Variants in TRPM2 observed in about 807,000 individuals in gnomAD.
TRPM2 encodes estrogen-responsive element-associated gene 1 protein.
TRPM2 carries 161 observed loss-of-function variants against 174.0 expected under a neutral mutation model. The ratio of observed to expected loss-of-function variants is 0.93; its 90% CI spans 0.81 to 1.05. The LOEUF is 1.05. Among genes scored for constraint, TRPM2 ranks in the 50% least tolerant of loss-of-function variants. The pLI, the probability that TRPM2 is intolerant of heterozygous loss-of-function variation, is 0.00. For synonymous variants in TRPM2, 954 were observed against 861.3 expected, an observed-to-expected ratio of 1.11 and a Z score of -1.88; for missense variants, 2,057 against 2,038.0, an observed-to-expected ratio of 1.01 and a Z score of -0.18.
intron 8 of TRPM2, among the ~76,000 whole-genome samples, chr21:44,382,263 A>G (rs916103183): frequency 1.3e-5 from 2 of 152,230 alleles, no homozygotes; most frequent in Non-Finnish European, 2.9e-5. Context: ...ATAGATGGAT[A>G]GATGCATAGA....
chr21:44,436,967 A>C lies in TRPM2; in HGVS notation c.4062-95A>C. The stretch of plus-strand genomic sequence containing the variant: ...GGTTTGAGCCTGCAGTGGGCCTGAC[A>C]CTGCCCCGCCCCAGGCAGGGCCAGC... On this transcript the variant is annotated intron_variant, in intron 28 of 31. Transcript: ENST00000397928. The C allele has an allele frequency of 2.7e-6, 3 of 1,106,914 alleles. No homozygotes were observed. The South Asian group carries it at 4.2e-5, about 16-fold the overall frequency. The allele number at this position is 1,106,914 out of a possible 1,614,324, so 68.6% of individuals were successfully genotyped here. A position where few individuals can be genotyped will look rare whatever the true frequency, so the allele number is the denominator to read the frequency against.
chr21:44,404,605 A>T (rs2049796751), intron 16 of TRPM2, among the ~76,000 whole-genome samples: 1 of 151,194 alleles, frequency 6.6e-6, no homozygotes. Context: ...GACCGTGATG[A>T]TAGTGATGAT....
In TRPM2 at chr21:44,427,792, TCTGC is replaced by T. The variant is rs756214874; in HGVS notation, c.3974+685_3974+688del. On this transcript the variant is annotated intron_variant, in intron 27 of 31. Transcript: ENST00000397928. ...TGCTCTGGAACAGGGTGTGGGCTCC[TCTGC>T]CTGGAGCCGGAGGTTGAGTAAGGAG... 5.6e-4 allele frequency among the ~76,000 whole-genome samples: 85 copies of T among 152,286 alleles called. 2 individuals carry two copies. The Middle Eastern group carries it at 0.01, about 18-fold the overall frequency.
chr21:44,437,193 T>C, intron 29 of TRPM2, 26 bp downstream of exon 29: 1 of 1,535,554 alleles, frequency 6.5e-7, no homozygotes. Flanking sequence ...GTGGGACCTC[T>C]GTCCACTGGG....
Position 44,354,509 on chromosome 21 carries a change from T to G in TRPM2, c.166-139T>G. The G allele has an allele frequency of 1.5e-6, 1 of 688,628 alleles. No homozygotes were observed. Among genetic ancestry groups the G allele is most frequent in the South Asian group, 1.8e-5 (1 of 56,064 alleles). The allele number at this position is 688,628 out of a possible 1,614,324, so 42.7% of individuals were successfully genotyped here. A position where few individuals can be genotyped will look rare whatever the true frequency, so the allele number is the denominator to read the frequency against. On this transcript the variant is annotated intron_variant, in intron 1 of 31. Coordinates refer to ENST00000397928, the MANE Select transcript of TRPM2 (RefSeq NM_003307.4). The surrounding 1 kb of genome is among the most constrained non-coding windows in gnomAD (Gnocchi z 4.3). The stretch of plus-strand genomic sequence containing the variant: ...GAGTCTTGGCAAGGTGCTTCTAATC[T>G]TTGGCTCAGGGTCGCGCAGGCTTCC...
chr21:44,426,811 C>A, intron 26 of TRPM2, 75 bp downstream of exon 26: 1 of 1,567,028 alleles, frequency 6.4e-7, no homozygotes. Context: ...TTGAGAATCC[C>A]AGTCAGAGCC....
In TRPM2 at chr21:44,377,774, G is replaced by C. The variant is rs762694177; in HGVS notation, c.1014+1G>C. 1 of 1,614,126 alleles carries C rather than the reference G, an allele frequency of 6.2e-7. No homozygotes were observed. The highest frequency in any genetic ancestry group is 1.3e-5 in the African/African-American group (1 of 75,076). The stretch of plus-strand genomic sequence containing the variant: ...GGAGGGCGGCCCGGGCACGTTGCAC[G>C]TGAGTATGGCCAGGTGGGAGGGGGC... On this transcript the variant is annotated splice_donor_variant, in intron 7 of 31. Coordinates refer to ENST00000397928, the MANE Select transcript of TRPM2 (RefSeq NM_003307.4). LOFTEE classifies it high-confidence loss of function.
At chr21:44,397,438 C>T (rs2049463378) in intron 12 of TRPM2, among the ~76,000 whole-genome samples, 1 of 152,180 alleles carries the variant, frequency 6.6e-6, no homozygotes, top group Non-Finnish European at 1.5e-5. Flanking sequence ...CGGGTGGTGC[C>T]GCCCTCTGCA....
chr21:44,372,881 G>A (rs757631055), intron 5 of TRPM2, among the ~76,000 whole-genome samples: 3 of 152,164 alleles, frequency 2.0e-5, no homozygotes, highest in Non-Finnish European at 4.4e-5. Context: ...TTCCCTGAAG[G>A]TTATAGCTTT....
chr21:44,412,889 T>G (rs895529215), intron 19 of TRPM2, among the ~76,000 whole-genome samples: 6 of 152,158 alleles, frequency 3.9e-5, no homozygotes, highest in Non-Finnish European at 5.9e-5. Context: ...AGAAAATTAG[T>G]AACACATTCA....
At chr21:44,429,272 C>CTTTTT (rs1601245878) in intron 27 of TRPM2, among the ~76,000 whole-genome samples, 4 of 62,340 alleles carry the variant, frequency 6.4e-5, no homozygotes, top group African/African-American at 1.7e-4. Context: ...ACATTTTTTT[C>CTTTTT]TTTTTCTTTT....
intron 28 of TRPM2, among the ~76,000 whole-genome samples, chr21:44,436,528 A>C (rs2051274751): frequency 1.0e-4 from 4 of 39,184 alleles, no homozygotes; most frequent in African/African-American, 1.1e-4. Context: ...TGCACTCTGC[A>C]CCCCATGTGA....
chr21:44,415,984 C>T (rs1235265574), intron 20 of TRPM2: 1 of 152,104 alleles, frequency 6.6e-6, no homozygotes, highest in African/African-American at 2.4e-5. Flanking sequence ...AGAATGAAAA[C>T]ACAGGTGTTT....
rs377019415 is a variant in TRPM2 at position 44,439,022 on chromosome 21, C to T, written c.4168-45C>T. On this transcript the variant is annotated intron_variant, in intron 29 of 31. Transcript: ENST00000397928. The surrounding 1 kb of genome is among the most constrained non-coding windows in gnomAD (Gnocchi z 5.1). ...CGGGTGCCAGGGCAGCCTGAGGTCC[C>T]GCTTCGGTGCCCTGTTGACCTGCCT... The T allele has an allele frequency of 4.4e-5, 68 of 1,555,924 alleles. No individual in the cohort carries two copies. The highest frequency in any genetic ancestry group is 2.2e-4 in the African/African-American group (16 of 73,876).
chr21:44,406,544 T>C (rs761881998), intron 18 of TRPM2, 50 bp from the exon 19 acceptor site: 2 of 1,559,244 alleles, frequency 1.3e-6, no homozygotes, highest in East Asian at 4.5e-5. Flanking sequence ...CTGGGCCCAG[T>C]GAGCATCGGG....
rs763659023 is a variant in TRPM2 at position 44,417,964 on chromosome 21, A to C, written c.3184A>C (p.Ile1062Leu). Residue 1062 changes from isoleucine (I) to leucine (L), a missense_variant, in exon 21 of 32, where the codon ATT (isoleucine) becomes CTT (leucine). Coordinates refer to ENST00000397928, the MANE Select transcript of TRPM2 (RefSeq NM_003307.4). The stretch of plus-strand genomic sequence containing the variant: ...GCAGGTGCAGGAGCACACGGACCAG[A>C]TTTGGAAGTTCCAGCGCCATGACCT... ...FQQVQEHTDQ[I>L]WKFQRHDLIE... 6.2e-7 allele frequency: 1 copy of C among 1,612,972 alleles called. No individual in the cohort carries two copies.
chr21:44,423,737 G>A lies in TRPM2; in HGVS notation c.3549+5G>A, dbSNP rs1262430362. 6 of 1,600,282 alleles carry A rather than the reference G, an allele frequency of 3.7e-6. No homozygotes were observed. The highest frequency in any genetic ancestry group is 5.1e-6 in the Non-Finnish European group (6 of 1,175,594). The stretch of plus-strand genomic sequence containing the variant: ...TTGGCCTCCCTGGAGGAGCAGGTGG[G>A]TCCGAGGTCGGGGCCTCCGTCAGGA... On this transcript the variant is annotated splice_donor_5th_base_variant and intron_variant, in intron 23 of 31. Transcript: ENST00000397928.
At chr21:44,431,167 A>T (rs2051007614) in intron 27 of TRPM2, among the ~76,000 whole-genome samples, 1 of 152,034 alleles carries the variant, frequency 6.6e-6, no homozygotes, top group East Asian at 1.9e-4. Flanking sequence ...CTGGTTTTCT[A>T]ATAAGGGTAC....
Position 44,417,923 on chromosome 21 carries a change from A to G in TRPM2, c.3147-4A>G. 1 of 1,608,568 alleles carries G rather than the reference A, an allele frequency of 6.2e-7. No homozygotes were observed. Among genetic ancestry groups the G allele is most frequent in the Non-Finnish European group, 8.5e-7 (1 of 1,177,534 alleles). On this transcript the variant is annotated splice_region_variant and splice_polypyrimidine_tract_variant and intron_variant, in intron 20 of 31. Coordinates refer to ENST00000397928, the MANE Select transcript of TRPM2 (RefSeq NM_003307.4). ...TCGAGGTGTTGCTTTCTCCTCCCTG[A>G]CAGCTACACCTTCCAGCAGGTGCAG... is the stretch of plus-strand genomic sequence containing the variant.
Sources: allele counts gnomAD v4.1 joint callset (sites outside exome capture counted in the v4.1 genomes callset), GRCh38; gene constraint gnomAD v4.1.1; non-coding constraint Gnocchi (gnomAD v3.1); transcripts MANE v1.5; gene names NCBI Gene and HGNC (gene_info 2026-07-23, HGNC 2026-07-21).